Variants in PCNX1 observed in about 807,000 individuals in gnomAD.
The protein encoded by PCNX1 is pecanex 1, also known as pecanex-like protein 1.
Under a neutral mutation model 242.2 loss-of-function variants are expected in PCNX1, and 78 were observed. The ratio of observed to expected loss-of-function variants is 0.32; its 90% confidence interval spans 0.27 to 0.39. The LOEUF is 0.39. Ranked by LOEUF, PCNX1 falls within the 10% of genes least tolerant of loss-of-function variation. The probability of loss-of-function intolerance (pLI) is 1.00; values close to 1 mark genes in which losing one functional copy is unlikely to be tolerated. For missense variants in PCNX1, 2,581 were observed against 2,856.5 expected (o/e 0.90, Z 2.20); for synonymous variants, 1,024 against 1,032.9 (o/e 0.99, Z 0.17).
intron 24 of PCNX1, chr14:71,053,322 G>C: frequency 2.2e-6 from 1 of 450,218 alleles, no homozygotes; most frequent in Non-Finnish European, 4.4e-6. Context: ...ATCCAGGCTG[G>C]AGTGCAATGA....
At chr14:70,919,721 C>A (rs1210388302) in intron 1 of PCNX1, among the ~76,000 whole-genome samples, 2 of 37,794 alleles carry the variant, frequency 5.3e-5, no homozygotes, top group African/African-American at 8.7e-5. Flanking sequence ...CCCCCCCCCC[C>A]CCCCCCCCAC....
At chr14:70,985,217 AATTTT>A (rs1333957818) in intron 6 of PCNX1, among the ~76,000 whole-genome samples, 1 of 151,950 alleles carries the variant, frequency 6.6e-6, no homozygotes, top group African/African-American at 2.4e-5. Flanking sequence ...TTTTGTTTTT[AATTTT>A]ATTTTATTTT....
In PCNX1 at chr14:70,907,657, T is replaced by TCTC. The variant is rs904162659; in HGVS notation, c.-184_-182dup. 2 of 469,446 alleles carry TCTC rather than the reference T, an allele frequency of 4.3e-6. No homozygotes were observed. Among genetic ancestry groups the TCTC allele is most frequent in the Non-Finnish European group, 3.0e-6 (1 of 331,772 alleles). 29.1% of individuals were successfully genotyped at this position (469,446 alleles called of 1,614,324 possible). Reference sequence around the variant, plus strand: ...CCGCTCGCCGCCTCCTCCTCTCGGGTCTCCTCCTCCTCGTTTGCTGCCTCC... The same window carrying TCTC: ...CCGCTCGCCGCCTCCTCCTCTCGGGTCTCCTCCTCCTCCTCGTTTGCTGCCTCC... On this transcript the variant is annotated 5_prime_UTR_variant, in exon 1 of 36. Coordinates refer to ENST00000304743, the MANE Select transcript of PCNX1 (RefSeq NM_014982.3).
intron 23 of PCNX1, among the ~76,000 whole-genome samples, chr14:71,051,197 AAT>A (rs1566749632): frequency 2.9e-4 from 23 of 80,330 alleles, no homozygotes; most frequent in African/African-American, 6.7e-4. Flanking sequence ...AAAAAAAAAA[AAT>A]CATAACCTTT....
intron 8 of PCNX1, among the ~76,000 whole-genome samples, chr14:71,002,911 A>T (rs1471628112): frequency 6.6e-6 from 1 of 152,170 alleles, no homozygotes; most frequent in Admixed American, 6.5e-5. Flanking sequence ...AATTGTAGAC[A>T]TAATGGGTAT....
chr14:71,028,590 A>G, intron 15 of PCNX1, 110 bp from the exon 16 acceptor site: 1 of 628,542 alleles, frequency 1.6e-6, no homozygotes, highest in Non-Finnish European at 2.7e-6. Context: ...AGATTAGTAG[A>G]TATTTAATGA....
intron 26 of PCNX1, among the ~76,000 whole-genome samples, chr14:71,059,096 G>A (rs530918254): frequency 1.3e-5 from 2 of 152,096 alleles, no homozygotes; most frequent in Non-Finnish European, 1.5e-5. Flanking sequence ...ATGGGAGGCT[G>A]TTTTATCTAA....
At chr14:70,968,477 G>A (rs562437758) in intron 4 of PCNX1, among the ~76,000 whole-genome samples, 9 of 152,328 alleles carry the variant, frequency 5.9e-5, no homozygotes, top group African/African-American at 2.2e-4. Context: ...AATTACATAA[G>A]TTTTGATCTA....
intron 30 of PCNX1, among the ~76,000 whole-genome samples, chr14:71,096,871 TTTAGCTGAATTCTAGCC>T (rs1345727572): frequency 6.6e-6 from 1 of 152,170 alleles, no homozygotes. Flanking sequence ...TAAAATGTGT[TTTAGCTGAATTCTAGCC>T]TTAGCTGGGT....
At chr14:70,970,030 A>G (rs1484345523) in intron 5 of PCNX1, 2 of 151,720 alleles carry the variant, frequency 1.3e-5, no homozygotes, top group African/African-American at 4.8e-5. Flanking sequence ...GTATGTATGT[A>G]TGTACTATGT....
chr14:70,972,217 C>T (rs1012952529), intron 5 of PCNX1, among the ~76,000 whole-genome samples: 30 of 147,580 alleles, frequency 2.0e-4, no homozygotes, highest in African/African-American at 7.6e-4. Context: ...GGCCCGCCAA[C>T]TGAAAGGGGA....
intron 24 of PCNX1, among the ~76,000 whole-genome samples, chr14:71,052,460 G>C (rs370643308): frequency 7.2e-5 from 11 of 152,004 alleles, no homozygotes; most frequent in Non-Finnish European, 1.5e-4. Flanking sequence ...TGACCCACCC[G>C]CCTCAGCCTC....
chr14:71,068,434 A>G lies in PCNX1; in HGVS notation c.4853-5111A>G, dbSNP rs187089249. 2.3e-3 allele frequency among the ~76,000 whole-genome samples: 343 copies of G among 149,062 alleles called. 1 individual carries two copies. Among genetic ancestry groups the G allele is most frequent in the African/African-American group, 8.1e-3 (330 of 40,888 alleles). ...TATGTATTTATATGTATATGTATAT[A>G]TGTATGTATATGTATATATGTGTAT... is the stretch of plus-strand genomic sequence containing the variant. On this transcript the variant is annotated intron_variant, in intron 26 of 35. Transcript: ENST00000304743.
chr14:70,956,992 ATAT>A (rs5809504), intron 2 of PCNX1, among the ~76,000 whole-genome samples: 42 of 149,826 alleles, frequency 2.8e-4, no homozygotes, highest in African/African-American at 8.3e-4. Flanking sequence ...TGTTTTTATT[ATAT>A]TATTATTATT....
rs563835879 is a variant in PCNX1 at position 71,113,099 on chromosome 14, A to C, written c.*3164A>C. On this transcript the variant is annotated 3_prime_UTR_variant, in exon 36 of 36. Coordinates refer to ENST00000304743, the MANE Select transcript of PCNX1 (RefSeq NM_014982.3). The stretch of plus-strand genomic sequence containing the variant: ...TTCCAAGAATCTAGATTAACATAAG[A>C]TGTTGATATTTAAGGAACTTGGAAG... 6.6e-6 allele frequency: 1 copy of C among 152,296 alleles called. No individual in the cohort carries two copies. The highest frequency in any genetic ancestry group is 2.4e-5 in the African/African-American group (1 of 41,570). 9.4% of individuals were successfully genotyped at this position (152,296 alleles called of 1,614,324 possible). A position where few individuals can be genotyped will look rare whatever the true frequency, so the allele number is the denominator to read the frequency against.
rs559853944 is a variant in PCNX1, at chr14:71,028,593, T to C, written c.3467-107T>C. On this transcript the variant is annotated intron_variant, in intron 15 of 35. Transcript: ENST00000304743. The stretch of plus-strand genomic sequence containing the variant: ...TTTCTGAAATTCAGATTAGTAGATA[T>C]TTAATGATAGTTGACATTATAATAT... 1.9e-5 allele frequency: 12 copies of C among 645,780 alleles called. No homozygotes were observed. In the East Asian group the frequency reaches 3.1e-4, roughly 17 times the overall value. 40.0% of individuals were successfully genotyped at this position (645,780 alleles called of 1,614,324 possible). A position where few individuals can be genotyped will look rare whatever the true frequency, so the allele number is the denominator to read the frequency against.
rs151225081 is a variant in PCNX1, at chr14:71,045,256, C to T, written c.3991C>T (p.Leu1331=). Residue 1331 remains leucine, a synonymous_variant, in exon 20 of 36, where the codon CTA becomes TTA. Transcript: ENST00000304743. The stretch of plus-strand genomic sequence containing the variant: ...TTTCTCTCATCCTCTGCTAAAGACA[C>T]TAGAGTATAATCAGTATGAAGTTCG... The part of the protein sequence containing the change: ...HCFSHPLLKT[L]EYNQYEVRNA... 1.1e-4 allele frequency: 178 copies of T among 1,611,576 alleles called. No individual in the cohort carries two copies. The highest frequency in any genetic ancestry group is 1.5e-4 in the Non-Finnish European group (171 of 1,178,846).
chr14:71,024,373 C>T (rs2060183073), intron 13 of PCNX1, among the ~76,000 whole-genome samples: 1 of 152,092 alleles, frequency 6.6e-6, no homozygotes, highest in African/African-American at 2.4e-5. Flanking sequence ...TGTTTAGTCT[C>T]TTAAATCTCC....
Position 70,934,127 on chromosome 14 carries a change from G to A in PCNX1, c.154-12788G>A, listed in dbSNP as rs577038251. On this transcript the variant is annotated intron_variant, in intron 1 of 35. Coordinates refer to ENST00000304743, the MANE Select transcript of PCNX1 (RefSeq NM_014982.3). ...TTAAATGAAATAATAAGGTTACCTC[G>A]TGACTGTAATAATTCTGGTATGACC... is the stretch of plus-strand genomic sequence containing the variant. 3.9e-5 allele frequency among the ~76,000 whole-genome samples: 6 copies of A among 152,302 alleles called. No individual in the cohort carries two copies. In the East Asian group the frequency reaches 7.7e-4, roughly 20 times the overall value.
Sources: allele counts gnomAD v4.1 joint callset (sites outside exome capture counted in the v4.1 genomes callset), GRCh38; gene constraint gnomAD v4.1.1; transcripts MANE v1.5; gene names NCBI Gene and HGNC (gene_info 2026-07-23, HGNC 2026-07-21).